The following ARID1B variants were observed in gnomAD, a reference collection of about 807,000 sequenced individuals.
ARID1B encodes AT-rich interactive domain-containing protein 1B.
A neutral mutation model predicts 212.3 loss-of-function variants in ARID1B; 30 were observed. The observed-to-expected ratio is 0.14, with a 90% confidence interval of 0.11 to 0.19. ARID1B has a LOEUF of 0.19. Ranked by LOEUF, ARID1B falls within the 10% of genes least tolerant of loss-of-function variation. The pLI is 1.00. For missense variants in ARID1B, 2,891 were observed against 3,204.0 expected (o/e 0.90, Z 2.36); for synonymous variants, 1,402 against 1,301.7 (o/e 1.08, Z -1.66).
intron 5 of ARID1B, among the ~76,000 whole-genome samples, chr6:157,088,436 G>A (rs1785084751): frequency 6.6e-6 from 1 of 152,138 alleles, no homozygotes. Context: ...CTCATGACAG[G>A]TTTTTGTTGG....
intron 6 of ARID1B, among the ~76,000 whole-genome samples, chr6:157,117,956 C>A (rs1316424145): frequency 6.6e-6 from 1 of 152,178 alleles, no homozygotes; most frequent in Non-Finnish European, 1.5e-5. Flanking sequence ...TGGAGCCTGG[C>A]ACTAAATGGA....
At position 157,039,882 on chromosome 6, in the gene ARID1B, TCTTCCTTC is replaced by T. The variant is rs146558678; in HGVS notation, c.2248-44751_2248-44744del. 3.4e-3 allele frequency among the ~76,000 whole-genome samples: 226 copies of T among 67,284 alleles called. 3 individuals are homozygous for T. The highest frequency in any genetic ancestry group is 0.016 in the Middle Eastern group (2 of 122). 44.1% of individuals were successfully genotyped at this position (67,284 alleles called of 152,430 possible). A position where few individuals can be genotyped will look rare whatever the true frequency, so the allele number is the denominator to read the frequency against. On this transcript the variant is annotated intron_variant, in intron 4 of 19. Coordinates refer to ENST00000636930, the MANE Select transcript of ARID1B (RefSeq NM_001374828.1). Reference sequence around the variant, plus strand: ...TTTCTCTCTCTTTCTCTTTCTTTTCTCTTCCTTCCTTCCTTCCTTCCTTCCTTCCTTCC... The same window carrying T: ...TTTCTCTCTCTTTCTCTTTCTTTTCTCTTCCTTCCTTCCTTCCTTCCTTCC...
chr6:156,979,018 G>T (rs1777440272), intron 4 of ARID1B, among the ~76,000 whole-genome samples: 1 of 152,160 alleles, frequency 6.6e-6, no homozygotes, highest in Non-Finnish European at 1.5e-5. Context: ...ATGAATAAAA[G>T]ATTTAAATGT....
chr6:157,082,171 AC>A (rs113003153), intron 4 of ARID1B, among the ~76,000 whole-genome samples: 29 of 152,296 alleles, frequency 1.9e-4, no homozygotes, highest in African/African-American at 6.3e-4. Flanking sequence ...TAAAGCTTGT[AC>A]CAGTCATGAT....
chr6:156,873,292 G>A (rs935104472), intron 2 of ARID1B, among the ~76,000 whole-genome samples: 1 of 152,118 alleles, frequency 6.6e-6, no homozygotes, highest in Admixed American at 6.5e-5. Context: ...GGAAAGTTCT[G>A]GATTAGCCCA....
intron 4 of ARID1B, among the ~76,000 whole-genome samples, chr6:157,028,231 C>T (rs1170662817): frequency 2.0e-5 from 3 of 152,190 alleles, no homozygotes; most frequent in Non-Finnish European, 4.4e-5. Flanking sequence ...ACTTAGTGCT[C>T]ATATGTTTTT....
At chr6:156,843,948 A>G (rs1784065770) in intron 2 of ARID1B, among the ~76,000 whole-genome samples, 1 of 152,140 alleles carries the variant, frequency 6.6e-6, no homozygotes, top group African/African-American at 2.4e-5. Flanking sequence ...GGGGTGGGGA[A>G]TAGGTGCCCC....
intron 3 of ARID1B, among the ~76,000 whole-genome samples, chr6:156,928,321 G>A (rs1450075664): frequency 6.6e-6 from 1 of 152,208 alleles, no homozygotes; most frequent in Non-Finnish European, 1.5e-5. Context: ...GGAAGGGGAT[G>A]GACTGGGTGA....
In ARID1B at chr6:156,779,132, C is replaced by T. The variant is rs977827286; in HGVS notation, c.1452C>T (p.Gly484=). 1.8e-5 allele frequency: 23 copies of T among 1,249,382 alleles called. No individual in the cohort carries two copies. The African/African-American group carries it at 3.5e-4, about 19-fold the overall frequency. 77.4% of individuals were successfully genotyped at this position (1,249,382 alleles called of 1,614,324 possible). ...CGGCCGCCGGCTCGGCGGCGGGGGG[C>T]TTCCAGCGCTTCGCCGGCCAGAACC... is the stretch of plus-strand genomic sequence containing the variant. The part of the protein sequence containing the change: ...SKAAAGSAAG[G]FQRFAGQNQH... Residue 484 remains glycine, a synonymous_variant, in exon 1 of 20, where the codon GGC becomes GGT. Transcript: ENST00000636930.
chr6:156,784,957 GC>G (rs1779536163), intron 1 of ARID1B, among the ~76,000 whole-genome samples: 1 of 151,962 alleles, frequency 6.6e-6, no homozygotes, highest in Non-Finnish European at 1.5e-5. Context: ...ATGGGGTTTC[GC>G]CATGTTGCCC....
intron 2 of ARID1B, among the ~76,000 whole-genome samples, chr6:156,895,749 CACACACCCACAT>C (rs1476233623): frequency 6.6e-6 from 1 of 152,166 alleles, no homozygotes; most frequent in Non-Finnish European, 1.5e-5. Context: ...CACACACACA[CACACACCCACAT>C]ACACACAGTA....
rs2128634969 is a variant in ARID1B, at chr6:157,148,914, G to A, written c.3052G>A (p.Ala1018Thr). 1 of 1,612,684 alleles carries A rather than the reference G, an allele frequency of 6.2e-7. No individual in the cohort carries two copies. The highest frequency in any genetic ancestry group is 8.5e-7 in the Non-Finnish European group (1 of 1,179,806). Residue 1018 changes from alanine to threonine, a missense_variant, in exon 8 of 20, where the codon GCA (alanine) becomes ACA (threonine). By Grantham distance (58) the Ala-to-Thr change is moderately conservative (BLOSUM62 0). Coordinates refer to ENST00000636930, the MANE Select transcript of ARID1B (RefSeq NM_001374828.1). This position sits in a 1 kb window ranked among gnomAD's most constrained non-coding sequence, Gnocchi z 5.6. ...VNRKAQEAAA[A>T]VMQAAANSAQ... ...CCGTAAGGCACAGGAGGCAGCCGCAGCAGTGATGCAGGCTGCTGCGAACTC... is the reference window on the plus strand; with the variant it reads ...CCGTAAGGCACAGGAGGCAGCCGCAACAGTGATGCAGGCTGCTGCGAACTC...
chr6:157,135,312 T>C (rs1188154647), intron 7 of ARID1B, among the ~76,000 whole-genome samples: 1 of 152,210 alleles, frequency 6.6e-6, no homozygotes, highest in African/African-American at 2.4e-5. Flanking sequence ...AAAGCCTTGC[T>C]TCAGTTCCAG....
intron 4 of ARID1B, among the ~76,000 whole-genome samples, chr6:157,056,535 T>C (rs1782965625): frequency 6.6e-6 from 1 of 152,222 alleles, no homozygotes; most frequent in Non-Finnish European, 1.5e-5. Context: ...GGGTGGAGGA[T>C]GTGCTGCGTT....
chr6:157,060,783 A>C (rs573173690), intron 4 of ARID1B, among the ~76,000 whole-genome samples: 2 of 152,084 alleles, frequency 1.3e-5, no homozygotes, highest in African/African-American at 4.8e-5. Flanking sequence ...TTCAGTCCTT[A>C]ACCCCCTGCT....
At chr6:157,042,014 ACCT>A (rs1781916020) in intron 4 of ARID1B, among the ~76,000 whole-genome samples, 1 of 151,728 alleles carries the variant, frequency 6.6e-6, no homozygotes, top group Non-Finnish European at 1.5e-5. Context: ...TTGTTGATTC[ACCT>A]CCTACAGGTC....
At chr6:157,041,038 C>T (rs1781845361) in intron 4 of ARID1B, among the ~76,000 whole-genome samples, 1 of 152,024 alleles carries the variant, frequency 6.6e-6, no homozygotes, top group African/African-American at 2.4e-5. Flanking sequence ...AGAAGAGGTG[C>T]TTCAAAATAA....
intron 4 of ARID1B, among the ~76,000 whole-genome samples, chr6:157,060,802 C>T (rs1783297408): frequency 6.6e-6 from 1 of 151,872 alleles, no homozygotes; most frequent in African/African-American, 2.4e-5. Context: ...CTATTTTTTC[C>T]TTCTCAGCTT....
rs1168582361 is a variant in ARID1B, at chr6:157,203,047, C to G, written c.5264-819C>G. Among the ~76,000 whole-genome samples, 2 of 152,146 alleles carry G rather than the reference C, an allele frequency of 1.3e-5. No homozygotes were observed. Among genetic ancestry groups the G allele is most frequent in the East Asian group, 3.9e-4 (2 of 5,178 alleles). ...TATTGTAAAAACAGTATGTAGCTAT[C>G]TTAGAAAATTTTAAAACAGATAAAA... On this transcript the variant is annotated intron_variant, in intron 18 of 19. Transcript: ENST00000636930. The surrounding 1 kb of genome is among the most constrained non-coding windows in gnomAD (Gnocchi z 4.4).
Sources: allele counts gnomAD v4.1 joint callset (sites outside exome capture counted in the v4.1 genomes callset), GRCh38; gene constraint gnomAD v4.1.1; non-coding constraint Gnocchi (gnomAD v3.1); transcripts MANE v1.5; gene names NCBI Gene and HGNC (gene_info 2026-07-23, HGNC 2026-07-21).